The following PPIG variants were observed in gnomAD, a reference collection of about 807,000 sequenced individuals.
PPIG encodes the protein peptidyl-prolyl cis-trans isomerase G.
PPIG carries 26 observed loss-of-function variants against 87.9 expected under a neutral mutation model. That is an observed-to-expected ratio of 0.30 (90% confidence interval 0.22 to 0.41). PPIG has a LOEUF of 0.41. PPIG is among the 10% of genes least tolerant of loss of function. The probability of loss-of-function intolerance (pLI) is 1.00; values close to 1 mark genes in which losing one functional copy is unlikely to be tolerated. For missense variants in PPIG, 722 were observed against 879.4 expected (o/e 0.82, Z 2.26); for synonymous variants, 308 against 276.5 (o/e 1.11, Z -1.13).
intron 9 of PPIG, among the ~76,000 whole-genome samples, chr2:169,629,264 T>G (rs1321649552): frequency 6.6e-6 from 1 of 152,208 alleles, no homozygotes; most frequent in Non-Finnish European, 1.5e-5. Context: ...CCTTTCCTAT[T>G]ATTTTGAAAC....
At chr2:169,636,265 A>G (rs1348439051) in intron 13 of PPIG, 37 bp downstream of exon 13, 3 of 1,558,520 alleles carry the variant, frequency 1.9e-6, no homozygotes, top group Non-Finnish European at 2.6e-6. Flanking sequence ...ATGTAATGAT[A>G]AGTGTTTGCT....
At chr2:169,613,630 A>T (rs567607261) in intron 7 of PPIG, among the ~76,000 whole-genome samples, 1 of 152,212 alleles carries the variant, frequency 6.6e-6, no homozygotes, top group East Asian at 1.9e-4. Flanking sequence ...GCAGCTAATT[A>T]AAAAACTTGT....
At position 169,586,229 on chromosome 2, in the gene PPIG, C is replaced by A. The variant is rs557801294; in HGVS notation, c.-70+1739C>A. On this transcript the variant is annotated intron_variant, in intron 1 of 13. Transcript: ENST00000260970. ...TAGGGTCTTGTAGTAGGATTCTGCG[C>A]ATTTGAATTGTTGGTTTCCTTTTTA... is the stretch of plus-strand genomic sequence containing the variant. Among the ~76,000 whole-genome samples, 11 of 152,240 alleles carry A rather than the reference C, an allele frequency of 7.2e-5. No individual in the cohort carries two copies. In the South Asian group the frequency reaches 2.3e-3, roughly 32 times the overall value.
rs1686221836 is a variant in PPIG at position 169,637,719 on chromosome 2, TTAA to T, written c.*200_*202del. The T allele has an allele frequency of 1.8e-6, 1 of 556,194 alleles. No individual in the cohort carries two copies. The allele number at this position is 556,194 out of a possible 1,614,324, so 34.5% of individuals were successfully genotyped here. On this transcript the variant is annotated 3_prime_UTR_variant, in exon 14 of 14. Coordinates refer to ENST00000260970, the MANE Select transcript of PPIG (RefSeq NM_004792.3). ...CTGGATAATTTGTACTGCTAAAGTT[TTAA>T]TAAACTCGACATGAGAAAAACACTT... is the stretch of plus-strand genomic sequence containing the variant.
In PPIG at chr2:169,637,754, A is replaced by C; in HGVS notation, c.*231A>C. The C allele has an allele frequency of 4.8e-6, 2 of 415,186 alleles. No homozygotes were observed. The highest frequency in any genetic ancestry group is 4.1e-5 in the Admixed American group (1 of 24,154). 25.7% of individuals were successfully genotyped at this position (415,186 alleles called of 1,614,324 possible). A position where few individuals can be genotyped will look rare whatever the true frequency, so the allele number is the denominator to read the frequency against. On this transcript the variant is annotated 3_prime_UTR_variant, in exon 14 of 14. Transcript: ENST00000260970. ...CGACATGAGAAAAACACTTTGGTGT[A>C]GTACTGTGTGCTGTGTTTAACTATT...
At position 169,636,788 on chromosome 2, in the gene PPIG, TC is replaced by T; in HGVS notation, c.1531del (p.Gln511ArgfsTer13). On this transcript the variant is annotated frameshift_variant, in exon 14 of 14. Transcript: ENST00000260970. LOFTEE classifies it high-confidence loss of function. ...EKQSDSKGKDQERSRSKEKSK... is the reference protein window; with the variant it reads ...EKQSDSKGKDXERSRSKEKSK... ...AGCAGTCTGATTCTAAAGGAAAAGA[TC>T]AGGAAAGGAGTAGAAGTAAAGAGAA... The T allele has an allele frequency of 6.2e-7, 1 of 1,612,134 alleles. No homozygotes were observed. The highest frequency in any genetic ancestry group is 8.5e-7 in the Non-Finnish European group (1 of 1,179,690).
intron 9 of PPIG, among the ~76,000 whole-genome samples, chr2:169,621,608 AC>A (rs565684125): frequency 0.01 from 1,529 of 152,260 alleles, 27 homozygotes; most frequent in African/African-American, 0.035. Context: ...GTTACTCTAA[AC>A]CCTGAACCTA....
intron 5 of PPIG, 42 bp downstream of exon 5, chr2:169,606,188 C>T: frequency 7.2e-7 from 1 of 1,395,444 alleles, no homozygotes; most frequent in South Asian, 1.2e-5. Context: ...TGTTAAATAT[C>T]ACAGATCTCA....
intron 7 of PPIG, among the ~76,000 whole-genome samples, 199 bp downstream of exon 7, chr2:169,608,957 G>T (rs747150393): frequency 6.6e-6 from 1 of 151,756 alleles, no homozygotes. Context: ...GGTGTCGGAC[G>T]CCTGTAGTCC....
At chr2:169,634,355 T>G (rs1686131751) in intron 12 of PPIG, among the ~76,000 whole-genome samples, 1 of 152,096 alleles carries the variant, frequency 6.6e-6, no homozygotes, top group East Asian at 1.9e-4. Flanking sequence ...AGCCACCGTG[T>G]CCACCCATTT....
intron 1 of PPIG, among the ~76,000 whole-genome samples, chr2:169,594,256 T>C (rs1684953003): frequency 6.7e-6 from 1 of 150,034 alleles, no homozygotes; most frequent in African/African-American, 2.4e-5. Context: ...AGTAGTAGTA[T>C]AAATTCCTGT....
Position 169,604,040 on chromosome 2 carries a change from C to T in PPIG, c.-2C>T, listed in dbSNP as rs769025688. ...TTTACTCACAGATTAAGTATTGGAG[C>T]CATGGGAATAAAGGTTCAACGTCCT... On this transcript the variant is annotated 5_prime_UTR_variant, in exon 3 of 14. Coordinates refer to ENST00000260970, the MANE Select transcript of PPIG (RefSeq NM_004792.3). 14 of 1,612,754 alleles carry T rather than the reference C, an allele frequency of 8.7e-6. No homozygotes were observed. The highest frequency in any genetic ancestry group is 1.1e-5 in the Non-Finnish European group (13 of 1,179,126).
At chr2:169,598,979 A>G (rs1685102639) in intron 1 of PPIG, among the ~76,000 whole-genome samples, 1 of 151,764 alleles carries the variant, frequency 6.6e-6, no homozygotes, top group Admixed American at 6.6e-5. Flanking sequence ...ATTTAGGTTT[A>G]CAGCCTTTTA....
chr2:169,587,503 G>C (rs186130081), intron 1 of PPIG, among the ~76,000 whole-genome samples: 3 of 152,160 alleles, frequency 2.0e-5, no homozygotes, highest in Non-Finnish European at 4.4e-5. Context: ...GCCTCCCAAA[G>C]TGCTAGTATT....
chr2:169,598,216 C>T (rs923508761), intron 1 of PPIG, among the ~76,000 whole-genome samples: 1 of 152,040 alleles, frequency 6.6e-6, no homozygotes, highest in Non-Finnish European at 1.5e-5. Flanking sequence ...CCAGGCTGGT[C>T]TCAAACTCCT....
In PPIG at chr2:169,639,547, TG is replaced by T. The variant is rs1298404728; in HGVS notation, c.*2025del. On this transcript the variant is annotated 3_prime_UTR_variant, in exon 14 of 14. Transcript: ENST00000260970. Reference sequence around the variant, plus strand: ...AAAAAGTAACCATAGGGAAAAAAATTGTAGTAATTTCTATAGGCAATATTCT... The same window carrying T: ...AAAAAGTAACCATAGGGAAAAAAATTTAGTAATTTCTATAGGCAATATTCT... The T allele has an allele frequency of 6.6e-6, 1 of 152,000 alleles. No homozygotes were observed. Among genetic ancestry groups the T allele is most frequent in the Non-Finnish European group, 1.5e-5 (1 of 67,942 alleles). The allele number at this position is 152,000 out of a possible 1,614,324, so 9.4% of individuals were successfully genotyped here.
intron 12 of PPIG, among the ~76,000 whole-genome samples, chr2:169,633,798 C>T (rs1248799135): frequency 6.6e-6 from 1 of 151,478 alleles, no homozygotes; most frequent in African/African-American, 2.4e-5. Context: ...CTTCATCTTA[C>T]TTAATCTTGC....
chr2:169,633,315 T>A lies in PPIG; in HGVS notation c.1017+68T>A, dbSNP rs142957668. 6.0e-4 allele frequency: 736 copies of A among 1,218,530 alleles called. 6 individuals carry two copies. The African/African-American group carries it at 9.2e-3, about 15-fold the overall frequency. 75.5% of individuals were successfully genotyped at this position (1,218,530 alleles called of 1,614,324 possible). ...GTCTTCCTTAAATAATTTTAGGGTGTTTCTTAAATATTATTTTAATGTGCA... is the reference window on the plus strand; with the variant it reads ...GTCTTCCTTAAATAATTTTAGGGTGATTCTTAAATATTATTTTAATGTGCA... On this transcript the variant is annotated intron_variant, in intron 12 of 13. Coordinates refer to ENST00000260970, the MANE Select transcript of PPIG (RefSeq NM_004792.3).
chr2:169,598,131 G>A (rs1399817340), intron 1 of PPIG, among the ~76,000 whole-genome samples: 1 of 151,864 alleles, frequency 6.6e-6, no homozygotes, highest in African/African-American at 2.4e-5. Flanking sequence ...CTCCCAGGTA[G>A]CTGGGACTAC....
Sources: allele counts gnomAD v4.1 joint callset (sites outside exome capture counted in the v4.1 genomes callset), GRCh38; gene constraint gnomAD v4.1.1; transcripts MANE v1.5; gene names NCBI Gene and HGNC (gene_info 2026-07-23, HGNC 2026-07-21).